TNFRSF10B: variants seen among roughly 807,000 people sequenced by gnomAD.
TNFRSF10B encodes tumor necrosis factor receptor superfamily member 10B.
A neutral mutation model predicts 41.4 loss-of-function variants in TNFRSF10B; 35 were observed. The observed-to-expected ratio is 0.85, with a 90% confidence interval of 0.65 to 1.12. The LOEUF is 1.12. TNFRSF10B is among the 50% of genes most tolerant of loss of function. The pLI is 0.00. For synonymous variants in TNFRSF10B, 230 were observed against 215.5 expected, an observed-to-expected ratio of 1.07 and a Z score of -0.59; for missense variants, 584 against 552.7, an observed-to-expected ratio of 1.06 and a Z score of -0.57.
intron 1 of TNFRSF10B, among the ~76,000 whole-genome samples, chr8:23,051,794 C>T (rs1318902665): frequency 6.6e-6 from 1 of 152,106 alleles, no homozygotes; most frequent in African/African-American, 2.4e-5. Flanking sequence ...CCGCCCACCT[C>T]GGCCTCCCAA....
At chr8:23,031,912 ATTT>A (rs1554508518) in intron 2 of TNFRSF10B, among the ~76,000 whole-genome samples, 1 of 27,876 alleles carries the variant, frequency 3.6e-5, no homozygotes, top group Non-Finnish European at 8.4e-5. Flanking sequence ...TTGCAGTAGC[ATTT>A]TTTTTTTTTT....
intron 2 of TNFRSF10B, among the ~76,000 whole-genome samples, chr8:23,035,025 CAAT>C (rs1811990730): frequency 6.6e-6 from 1 of 152,194 alleles, no homozygotes; most frequent in African/African-American, 2.4e-5. Flanking sequence ...TCATACCTGT[CAAT>C]AAAGACTCCC....
At chr8:23,057,180 C>T (rs1430593171) in intron 1 of TNFRSF10B, among the ~76,000 whole-genome samples, 1 of 151,054 alleles carries the variant, frequency 6.6e-6, no homozygotes, top group South Asian at 2.1e-4. Flanking sequence ...GCTGGGACTA[C>T]AGGAGCCCAC....
chr8:23,045,425 A>G (rs1377589651), intron 1 of TNFRSF10B, among the ~76,000 whole-genome samples: 6 of 152,208 alleles, frequency 3.9e-5, no homozygotes, highest in Non-Finnish European at 1.5e-5. Context: ...ATGATTAAGG[A>G]TATTGAATCA....
At position 23,063,323 on chromosome 8, in the gene TNFRSF10B, G is replaced by A. The variant is rs144431173; in HGVS notation, c.144+5428C>T. On this transcript the variant is annotated intron_variant, in intron 1 of 8. Transcript: ENST00000276431. ...AGATTGCGCCATTGCACTCCAGCCTGGGCAGCAACAGTGAAACTGTCTCAA... is the reference window on the plus strand; with the variant it reads ...AGATTGCGCCATTGCACTCCAGCCTAGGCAGCAACAGTGAAACTGTCTCAA... Among the ~76,000 whole-genome samples, 216 of 150,634 alleles carry A rather than the reference G, an allele frequency of 1.4e-3. 2 individuals are homozygous for A. The highest frequency in any genetic ancestry group is 8.8e-3 in the Admixed American group (133 of 15,114).
In TNFRSF10B at chr8:23,023,124, G is replaced by A. The variant is rs113647475; in HGVS notation, c.1010-140C>T. On this transcript the variant is annotated intron_variant, in intron 8 of 8. Transcript: ENST00000276431. ...AAACCTGCCGCTCCAGTGCCCACCC[G>A]CTTCCCATCCACAGAGAGCGCGCCC... The A allele has an allele frequency of 7.6e-4, 828 of 1,093,802 alleles. 4 individuals carry two copies. The African/African-American group carries it at 0.011, about 14-fold the overall frequency. 67.8% of individuals were successfully genotyped at this position (1,093,802 alleles called of 1,614,324 possible).
intron 2 of TNFRSF10B, among the ~76,000 whole-genome samples, chr8:23,042,344 T>C (rs1812226726): frequency 6.6e-6 from 1 of 152,228 alleles, no homozygotes; most frequent in Non-Finnish European, 1.5e-5. Flanking sequence ...TAAAAGCCAC[T>C]GCTTGCCACA....
chr8:23,057,379 T>G (rs1386726712), intron 1 of TNFRSF10B, among the ~76,000 whole-genome samples: 1 of 151,158 alleles, frequency 6.6e-6, no homozygotes, highest in Non-Finnish European at 1.5e-5. Flanking sequence ...TGTCAAACCA[T>G]TCCATTAATT....
At chr8:23,040,483 AGAAAAACAG>A (rs1812160740) in intron 2 of TNFRSF10B, among the ~76,000 whole-genome samples, 8 of 138,998 alleles carry the variant, frequency 5.8e-5, no homozygotes, top group South Asian at 5.2e-4. Flanking sequence ...TATATATTTA[AGAAAAACAG>A]AAAATATATT....
chr8:23,067,169 G>A (rs1047773519), intron 1 of TNFRSF10B, among the ~76,000 whole-genome samples: 36 of 151,994 alleles, frequency 2.4e-4, no homozygotes, highest in Non-Finnish European at 4.7e-4. Context: ...GTAGAGACGG[G>A]GTTTCACCAT....
In TNFRSF10B at chr8:23,022,705, T is replaced by A; in HGVS notation, c.1289A>T (p.Tyr430Phe). The A allele has an allele frequency of 6.2e-7, 1 of 1,614,030 alleles. No homozygotes were observed. Among genetic ancestry groups the A allele is most frequent in the Non-Finnish European group, 8.5e-7 (1 of 1,180,008 alleles). The change falls in exon 9 of 9, where the codon TAT (tyrosine) becomes TTT (phenylalanine). Residue 430 changes from tyrosine to phenylalanine, a missense_variant. Transcript: ENST00000276431. Reference protein sequence around the residue: ...DHLLSSGKFMYLEGNADSAMS With the variant: ...DHLLSSGKFMFLEGNADSAMS ...GGCAGAGTCTGCATTACCTTCTAGA[T>A]ACATGAACTTTCCAGAGCTCAACAA...
At chr8:23,048,074 A>G (rs1288863254) in intron 1 of TNFRSF10B, among the ~76,000 whole-genome samples, 1 of 152,240 alleles carries the variant, frequency 6.6e-6, no homozygotes, top group Non-Finnish European at 1.5e-5. Flanking sequence ...GAATTGGAAT[A>G]CATCATGCTA....
intron 1 of TNFRSF10B, among the ~76,000 whole-genome samples, chr8:23,057,104 A>T (rs1170786970): frequency 1.4e-5 from 2 of 146,872 alleles, no homozygotes; most frequent in Non-Finnish European, 3.0e-5. Context: ...CAGTGGTGCA[A>T]TCTTGGCTCA....
chr8:23,043,802 T>C (rs189518995), intron 1 of TNFRSF10B, among the ~76,000 whole-genome samples: 1 of 152,220 alleles, frequency 6.6e-6, no homozygotes, highest in African/African-American at 2.4e-5. Context: ...TTGCTCAACA[T>C]TGTTCTGAGC....
chr8:23,060,693 G>C (rs1812807483), intron 1 of TNFRSF10B, among the ~76,000 whole-genome samples: 1 of 152,150 alleles, frequency 6.6e-6, no homozygotes, highest in African/African-American at 2.4e-5. Flanking sequence ...TTGGGATTTT[G>C]ATAGAGATTA....
intron 1 of TNFRSF10B, among the ~76,000 whole-genome samples, chr8:23,056,216 C>CATAT (rs71206567): frequency 0.24 from 36,674 of 151,924 alleles, 4,677 homozygotes; most frequent in Non-Finnish European, 0.27. Flanking sequence ...CACTGAAGCA[C>CATAT]ATACTGTCCT....
chr8:23,067,445 T>C (rs1563327741), intron 1 of TNFRSF10B, among the ~76,000 whole-genome samples: 1 of 147,690 alleles, frequency 6.8e-6, no homozygotes, highest in Non-Finnish European at 1.5e-5. Context: ...TTTATAGAGA[T>C]AAAAAAAAAA....
In TNFRSF10B at chr8:23,021,143, T is replaced by C. The variant is rs1035429141; in HGVS notation, c.*1528A>G. The C allele has an allele frequency of 4.4e-6, 2 of 454,090 alleles. No homozygotes were observed. Among genetic ancestry groups the C allele is most frequent in the East Asian group, 6.9e-5 (1 of 14,396 alleles). The allele number at this position is 454,090 out of a possible 1,614,324, so 28.1% of individuals were successfully genotyped here. On this transcript the variant is annotated 3_prime_UTR_variant, in exon 9 of 9. Transcript: ENST00000276431. ...TGATCCTTCCATGACTGAAATACTATGGAGAAGGGTTTGCTGGAAAGAGGC... is the reference window on the plus strand; with the variant it reads ...TGATCCTTCCATGACTGAAATACTACGGAGAAGGGTTTGCTGGAAAGAGGC...
intron 2 of TNFRSF10B, among the ~76,000 whole-genome samples, chr8:23,039,956 G>T (rs1194531385): frequency 6.6e-6 from 1 of 152,048 alleles, no homozygotes; most frequent in Non-Finnish European, 1.5e-5. Flanking sequence ...ACTTTGGGAG[G>T]CCGAGGCAGG....
Sources: gnomAD v4.1 joint callset for allele counts (sites outside exome capture counted in the v4.1 genomes callset) on GRCh38, gnomAD v4.1.1 for gene constraint, MANE v1.5 for transcripts, NCBI Gene and HGNC (gene_info 2026-07-23, HGNC 2026-07-21) for gene names.